The following SNX24 variants were observed in gnomAD, a reference collection of about 807,000 sequenced individuals.
The protein encoded by SNX24 is sorting nexin-24.
In SNX24, 22 loss-of-function variants were observed where a neutral mutation model predicts 28.7. The ratio of observed to expected loss-of-function variants is 0.77; its 90% CI spans 0.55 to 1.10. The LOEUF (loss-of-function observed/expected upper bound fraction) is 1.10, where lower values mean the gene tolerates loss of function less well. Among genes scored for constraint, SNX24 ranks in the 50% least tolerant of loss-of-function variants. The pLI is 0.00. For synonymous variants in SNX24, 69 were observed against 71.5 expected (o/e 0.96, Z 0.18); for missense variants, 221 against 201.1 (o/e 1.10, Z -0.60).
At chr5:123,020,736 G>A (rs1012177190) in intron 5 of SNX24, among the ~76,000 whole-genome samples, 2 of 143,914 alleles carry the variant, frequency 1.4e-5, no homozygotes, top group African/African-American at 5.3e-5. Context: ...TTAGCTTTGG[G>A]CACAGCTGGA....
At chr5:122,917,372 A>T (rs1366215844) in intron 1 of SNX24, among the ~76,000 whole-genome samples, 1 of 152,174 alleles carries the variant, frequency 6.6e-6, no homozygotes, top group African/African-American at 2.4e-5. Flanking sequence ...AAAATACTCT[A>T]TCTCATTTGA....
In SNX24 at chr5:122,934,074, T is replaced by A. The variant is rs191597745; in HGVS notation, c.61-2660T>A. On this transcript the variant is annotated intron_variant, in intron 1 of 6. Transcript: ENST00000261369. Reference sequence around the variant, plus strand: ...CTGACCTCTTGTCTGTCTTGTTCAGTGCTGAATCCCAGAGCCTAGAACAAC... The same window carrying A: ...CTGACCTCTTGTCTGTCTTGTTCAGAGCTGAATCCCAGAGCCTAGAACAAC... Among the ~76,000 whole-genome samples, 18 of 152,256 alleles carry A rather than the reference T, an allele frequency of 1.2e-4. No homozygotes were observed. In the East Asian group the frequency reaches 3.3e-3, roughly 28 times the overall value.
At chr5:122,913,685 T>G (rs246301) in intron 1 of SNX24, among the ~76,000 whole-genome samples, 122,133 of 151,278 alleles carry the variant, frequency 0.81, 49,941 homozygotes, top group East Asian at 0.99. Context: ...GGGCAGAGAC[T>G]CTCCTCACTT....
chr5:122,909,924 T>C (rs34548894), intron 1 of SNX24, among the ~76,000 whole-genome samples: 3,565 of 152,298 alleles, frequency 0.023, 60 homozygotes, highest in Non-Finnish European at 0.037. Context: ...ACAAACTACC[T>C]AATGGAATAA....
intron 3 of SNX24, among the ~76,000 whole-genome samples, chr5:122,987,341 T>C (rs1761645333): frequency 6.6e-6 from 1 of 152,150 alleles, no homozygotes; most frequent in South Asian, 2.1e-4. Context: ...CAAGACCAGC[T>C]AGATCAGAAA....
intron 3 of SNX24, among the ~76,000 whole-genome samples, chr5:122,966,784 A>T (rs1485548691): frequency 2.6e-5 from 4 of 152,204 alleles, no homozygotes; most frequent in African/African-American, 9.6e-5. Flanking sequence ...GTTAATGATG[A>T]CTAAATTAGC....
At chr5:122,962,689 A>G (rs936077016) in intron 3 of SNX24, among the ~76,000 whole-genome samples, 1 of 152,266 alleles carries the variant, frequency 6.6e-6, no homozygotes, top group Non-Finnish European at 1.5e-5. Context: ...TATCAAAAAT[A>G]GGTATTTCAT....
intron 1 of SNX24, among the ~76,000 whole-genome samples, chr5:122,904,158 C>T (rs1191747566): frequency 1.3e-5 from 2 of 151,690 alleles, no homozygotes; most frequent in African/African-American, 4.8e-5. Flanking sequence ...AGCAGTTACC[C>T]AGTGGAATAC....
intron 1 of SNX24, among the ~76,000 whole-genome samples, chr5:122,917,780 C>CCTTTAAAATATTTTTTAGGCCTTTAA (rs1283456059): frequency 1.3e-5 from 2 of 152,092 alleles, no homozygotes; most frequent in Non-Finnish European, 1.5e-5. Flanking sequence ...AAATAGTAGG[C>CCTTTAAAATATTTTTTAGGCCTTTAA]ACTATTTAAA....
chr5:122,912,369 G>A (rs2150090899), intron 1 of SNX24, among the ~76,000 whole-genome samples: 1 of 151,302 alleles, frequency 6.6e-6, no homozygotes, highest in South Asian at 2.1e-4. Context: ...GGAGATTTTG[G>A]GCTGAGACAA....
chr5:122,853,115 CTTTTTTTTTTTTTT>C (rs10530519), intron 1 of SNX24, among the ~76,000 whole-genome samples: 4 of 71,614 alleles, frequency 5.6e-5, no homozygotes, highest in Admixed American at 2.1e-4. Context: ...GTTCTTTAGC[CTTTTTTTTTTTTTT>C]TTTTTTTTTT....
At chr5:122,876,026 G>A (rs1221706097) in intron 1 of SNX24, among the ~76,000 whole-genome samples, 1 of 152,220 alleles carries the variant, frequency 6.6e-6, no homozygotes, top group Non-Finnish European at 1.5e-5. Flanking sequence ...TGTATTTTTA[G>A]TAGAGACGGG....
intron 3 of SNX24, among the ~76,000 whole-genome samples, chr5:122,952,779 C>T (rs30077): frequency 0.72 from 108,875 of 152,080 alleles, 39,691 homozygotes; most frequent in East Asian, 0.99. Context: ...GTAAAAGGAA[C>T]AATCCAAGAA....
intron 3 of SNX24, among the ~76,000 whole-genome samples, chr5:122,966,910 T>G: frequency 6.6e-6 from 1 of 152,210 alleles, no homozygotes; most frequent in East Asian, 1.9e-4. Flanking sequence ...TTTCCTCATT[T>G]TCCTCAAACC....
At chr5:122,906,041 G>A (rs952131917) in intron 1 of SNX24, among the ~76,000 whole-genome samples, 12 of 152,202 alleles carry the variant, frequency 7.9e-5, no homozygotes, top group African/African-American at 2.7e-4. Flanking sequence ...ACAACCACAA[G>A]CACTTCAGGT....
At chr5:123,013,284 G>T (rs1031405192), downstream of SNX24, among the ~76,000 whole-genome samples, 3 of 152,202 alleles carry the variant, frequency 2.0e-5, no homozygotes, top group South Asian at 6.2e-4. Flanking sequence ...TTCTGGAATT[G>T]TTGGCCATTT....
downstream of SNX24, among the ~76,000 whole-genome samples, chr5:123,012,030 C>T (rs1157493431): frequency 3.3e-5 from 5 of 152,082 alleles, no homozygotes; most frequent in African/African-American, 1.2e-4. Flanking sequence ...AGTGAGTGCT[C>T]GTGAGATCTG....
At chr5:122,890,314 A>G (rs1013932604) in intron 1 of SNX24, among the ~76,000 whole-genome samples, 3 of 151,920 alleles carry the variant, frequency 2.0e-5, no homozygotes, top group Admixed American at 1.3e-4. Flanking sequence ...ACATTTTGAG[A>G]TTATATAAGG....
At chr5:122,992,365 A>G (rs1018896543) in intron 3 of SNX24, among the ~76,000 whole-genome samples, 1 of 152,150 alleles carries the variant, frequency 6.6e-6, no homozygotes, top group Non-Finnish European at 1.5e-5. Flanking sequence ...ATGACTCCCA[A>G]GTCTACAGAG....
Sources: gnomAD v4.1 joint callset for allele counts (sites outside exome capture counted in the v4.1 genomes callset) on GRCh38, gnomAD v4.1.1 for gene constraint, MANE v1.5 for transcripts, NCBI Gene and HGNC (gene_info 2026-07-23, HGNC 2026-07-21) for gene names.